The following BTBD7 variants were observed in gnomAD, a reference collection of about 807,000 sequenced individuals.
BTBD7 encodes the protein BTB domain containing 7, also known as BTB/POZ domain-containing protein 7.
BTBD7 carries 38 observed loss-of-function variants against 99.9 expected under a neutral mutation model. The observed-to-expected ratio is 0.38, with a 90% CI of 0.29 to 0.50. The LOEUF (loss-of-function observed/expected upper bound fraction) is 0.50, where lower values mean the gene tolerates loss of function less well. BTBD7 is among the 20% of genes least tolerant of loss of function. The probability of loss-of-function intolerance (pLI) is 0.93; values close to 1 mark genes in which losing one functional copy is unlikely to be tolerated. For synonymous variants in BTBD7, 520 were observed against 511.4 expected (o/e 1.02, Z -0.23); for missense variants, 1,170 against 1,394.6 (o/e 0.84, Z 2.57).
At chr14:93,270,561 C>T (rs1335221531) in intron 3 of BTBD7, among the ~76,000 whole-genome samples, 28 of 151,946 alleles carry the variant, frequency 1.8e-4, no homozygotes, top group Admixed American at 1.8e-3. Flanking sequence ...GGTGTGGTGG[C>T]ATGTGTCTGT....
chr14:93,300,772 GTATA>G (rs1192199666), intron 1 of BTBD7, among the ~76,000 whole-genome samples: 8 of 67,872 alleles, frequency 1.2e-4, no homozygotes, highest in East Asian at 4.4e-4. Flanking sequence ...GTGTGTGTGT[GTATA>G]TATATATATA....
intron 9 of BTBD7, among the ~76,000 whole-genome samples, chr14:93,247,216 T>C (rs762976226): frequency 1.3e-5 from 2 of 152,124 alleles, no homozygotes; most frequent in African/African-American, 2.4e-5. Context: ...TTTGTAGAGA[T>C]AGGGTTTTGC....
chr14:93,266,019 C>T (rs1283273008), intron 3 of BTBD7, among the ~76,000 whole-genome samples: 2 of 152,194 alleles, frequency 1.3e-5, no homozygotes, highest in Non-Finnish European at 2.9e-5. Flanking sequence ...ACAGTTAACA[C>T]CACACTGCAT....
intron 8 of BTBD7, among the ~76,000 whole-genome samples, chr14:93,249,340 C>G (rs75282213): frequency 0.017 from 2,555 of 149,752 alleles, 81 homozygotes; most frequent in African/African-American, 0.061. Context: ...CTGAGACAGC[C>G]TGGCAGAAGT....
At chr14:93,288,799 A>G (rs986512761) in intron 3 of BTBD7, 1 of 1,539,568 alleles carries the variant, frequency 6.5e-7, no homozygotes, top group African/African-American at 1.4e-5. Context: ...AGTATCTGTA[A>G]GTGTATATAC....
chr14:93,254,159 G>C (rs896498978), intron 6 of BTBD7, among the ~76,000 whole-genome samples: 1 of 151,940 alleles, frequency 6.6e-6, no homozygotes, highest in African/African-American at 2.4e-5. Context: ...GGCTGGTCTG[G>C]AACTCCTGAC....
intron 2 of BTBD7, among the ~76,000 whole-genome samples, chr14:93,295,195 A>G (rs115753201): frequency 0.041 from 6,318 of 152,278 alleles, 443 homozygotes; most frequent in African/African-American, 0.14. Context: ...TGCAGCCTCA[A>G]ACTCCTGGGC....
intron 1 of BTBD7, among the ~76,000 whole-genome samples, chr14:93,328,611 TAA>T (rs57161505): frequency 0.17 from 17,576 of 100,772 alleles, 1,317 homozygotes; most frequent in East Asian, 0.25. Context: ...TAAAATTCTT[TAA>T]AAAAAAAAAA....
At chr14:93,314,461 T>C (rs763807216) in intron 1 of BTBD7, among the ~76,000 whole-genome samples, 15 of 152,310 alleles carry the variant, frequency 9.8e-5, no homozygotes, top group East Asian at 3.9e-4. Context: ...TTTCATAATA[T>C]AGCAAGGTTG....
At chr14:93,331,664 A>G (rs2053414691) in intron 1 of BTBD7, among the ~76,000 whole-genome samples, 1 of 152,180 alleles carries the variant, frequency 6.6e-6, no homozygotes, top group Admixed American at 6.5e-5. Context: ...GCGGATCACC[A>G]GAGGTCAGGA....
chr14:93,265,335 T>G (rs550873714), intron 3 of BTBD7, among the ~76,000 whole-genome samples: 12 of 152,320 alleles, frequency 7.9e-5, no homozygotes, highest in Non-Finnish European at 1.3e-4. Flanking sequence ...AGAAATATCA[T>G]AGAGAACCGT....
rs140532239 is a variant in BTBD7, at chr14:93,246,008, C to A, written c.2400G>T (p.Ser800=). The change falls in exon 10 of 11, where the codon TCG becomes TCT. Residue 800 remains serine, a synonymous_variant. Transcript: ENST00000334746. ...SRSFSYPCNH[S]LFHSRTAPKA... The stretch of plus-strand genomic sequence containing the variant: ...TAGGAGCTGTTCTGGAGTGGAACAG[C>A]GAATGATTACAGGGATAAGAAAATG... 2.0e-5 allele frequency: 32 copies of A among 1,613,604 alleles called. No individual in the cohort carries two copies. The highest frequency in any genetic ancestry group is 2.4e-5 in the Non-Finnish European group (28 of 1,180,000).
intron 1 of BTBD7, among the ~76,000 whole-genome samples, chr14:93,326,686 C>T (rs192198551): frequency 1.4e-3 from 218 of 152,162 alleles, no homozygotes; most frequent in African/African-American, 5.1e-3. Flanking sequence ...CCTACAGTCC[C>T]AGCTACTTGG....
At chr14:93,277,741 A>G (rs1011368994) in intron 3 of BTBD7, among the ~76,000 whole-genome samples, 2 of 152,210 alleles carry the variant, frequency 1.3e-5, no homozygotes, top group African/African-American at 4.8e-5. Flanking sequence ...AAGCGTACGC[A>G]CTGTACTGAT....
chr14:93,266,112 T>G (rs2052539873), intron 3 of BTBD7, among the ~76,000 whole-genome samples: 1 of 151,608 alleles, frequency 6.6e-6, no homozygotes, highest in African/African-American at 2.4e-5. Flanking sequence ...TTTAAAGAAA[T>G]CGACTGCACA....
intron 3 of BTBD7, among the ~76,000 whole-genome samples, chr14:93,290,209 C>T (rs1310888891): frequency 6.7e-6 from 1 of 149,346 alleles, no homozygotes; most frequent in African/African-American, 2.5e-5. Context: ...CCAATACTGC[C>T]TTTTAATTTT....
chr14:93,293,295 C>G (rs545120355), intron 3 of BTBD7, among the ~76,000 whole-genome samples: 2 of 152,280 alleles, frequency 1.3e-5, no homozygotes, highest in African/African-American at 4.8e-5. Context: ...GCACATGAGT[C>G]TAGCGCTAAC....
intron 1 of BTBD7, among the ~76,000 whole-genome samples, chr14:93,328,611 TAAAAAAAAAAAA>T (rs57161505): frequency 6.9e-5 from 7 of 101,868 alleles, no homozygotes; most frequent in East Asian, 2.9e-4. Context: ...TAAAATTCTT[TAAAAAAAAAAAA>T]AAAAAAAAAA....
intron 6 of BTBD7, among the ~76,000 whole-genome samples, chr14:93,254,047 C>T (rs1186267850): frequency 6.6e-6 from 1 of 151,694 alleles, no homozygotes; most frequent in Non-Finnish European, 1.5e-5. Flanking sequence ...AAGCGATTCT[C>T]CTGCCTCAGC....
Sources: allele counts gnomAD v4.1 joint callset (sites outside exome capture counted in the v4.1 genomes callset), GRCh38; gene constraint gnomAD v4.1.1; transcripts MANE v1.5; gene names NCBI Gene and HGNC (gene_info 2026-07-23, HGNC 2026-07-21).